The following PARVB variants were observed in gnomAD, a reference collection of about 807,000 sequenced individuals.
PARVB encodes beta-parvin.
In PARVB, 46 loss-of-function variants were observed where a neutral mutation model predicts 47.0. The observed-to-expected ratio is 0.98, with a 90% confidence interval of 0.77 to 1.25. The LOEUF is 1.25. Ranked by LOEUF, PARVB falls within the 50% of genes most tolerant of loss-of-function variation. The pLI is 0.00. For synonymous variants in PARVB, 196 were observed against 196.3 expected, an observed-to-expected ratio of 1.00 and a Z score of 0.01; for missense variants, 473 against 471.6, an observed-to-expected ratio of 1.00 and a Z score of -0.03.
At chr22:44,099,176 G>A (rs1367718450) in intron 2 of PARVB, among the ~76,000 whole-genome samples, 1 of 152,202 alleles carries the variant, frequency 6.6e-6, no homozygotes, top group Non-Finnish European at 1.5e-5. Context: ...CTCCCGGTGA[G>A]TGGAGCCTGG....
chr22:44,085,607 C>G (rs1443694644), intron 1 of PARVB, among the ~76,000 whole-genome samples: 1 of 152,196 alleles, frequency 6.6e-6, no homozygotes, highest in Admixed American at 6.5e-5. Context: ...GCTGGCCCAA[C>G]CTGCTTTTGC....
chr22:44,124,007 T>C (rs1264271429), intron 4 of PARVB, among the ~76,000 whole-genome samples: 1 of 152,234 alleles, frequency 6.6e-6, no homozygotes, highest in Non-Finnish European at 1.5e-5. Flanking sequence ...CTAAGGAGTA[T>C]CTGGCTCGCT....
intron 2 of PARVB, chr22:43,999,720 GCAGTGGCTCATGCCTGTAACC>G: frequency 7.2e-7 from 1 of 1,382,922 alleles, no homozygotes; most frequent in Non-Finnish European, 1.0e-6. Context: ...AGGGCTGGGT[GCAGTGGCTCATGCCTGTAACC>G]CTAGCACTTT....
At chr22:44,164,121 G>C (rs2054113307) in intron 12 of PARVB, among the ~76,000 whole-genome samples, 191 bp downstream of exon 12, 1 of 152,244 alleles carries the variant, frequency 6.6e-6, no homozygotes, top group African/African-American at 2.4e-5. Flanking sequence ...CTTCGCTGGT[G>C]GAGCTGGCAG....
intron 9 of PARVB, chr22:44,148,776 G>A (rs2053741316): frequency 6.6e-6 from 1 of 152,128 alleles, no homozygotes; most frequent in South Asian, 2.1e-4. Flanking sequence ...TCAATTTTGG[G>A]GTAAGACGCA....
chr22:44,094,470 C>T (rs763726150), intron 2 of PARVB, among the ~76,000 whole-genome samples: 1 of 152,120 alleles, frequency 6.6e-6, no homozygotes, highest in Non-Finnish European at 1.5e-5. Flanking sequence ...AGGAGCAGGG[C>T]TAATGCCTTT....
At chr22:44,088,101 C>G (rs1003153369) in intron 1 of PARVB, among the ~76,000 whole-genome samples, 1 of 152,186 alleles carries the variant, frequency 6.6e-6, no homozygotes, top group Non-Finnish European at 1.5e-5. Flanking sequence ...CAAGGTCACA[C>G]ACCTTGTCAG....
In PARVB at chr22:44,089,741, A is replaced by G. The variant is rs533582988; in HGVS notation, c.113-4187A>G. Reference sequence around the variant, plus strand: ...GTTCTTCTGCAAAGGAGCTGTGTCCATAAGGGAACCCAGGCTGCAAAATAT... The same window carrying G: ...GTTCTTCTGCAAAGGAGCTGTGTCCGTAAGGGAACCCAGGCTGCAAAATAT... On this transcript the variant is annotated intron_variant, in intron 1 of 12. Transcript: ENST00000338758. This position sits in a 1 kb window ranked among gnomAD's most constrained non-coding sequence, Gnocchi z 4.0. Among the ~76,000 whole-genome samples, 18 of 152,308 alleles carry G rather than the reference A, an allele frequency of 1.2e-4. No individual in the cohort carries two copies. In the South Asian group the frequency reaches 3.5e-3, roughly 30 times the overall value.
At position 44,133,020 on chromosome 22, in the gene PARVB, C is replaced by A. The variant is rs1028997733; in HGVS notation, c.633+11C>A. The A allele has an allele frequency of 6.3e-7, 1 of 1,594,272 alleles. No homozygotes were observed. The highest frequency in any genetic ancestry group is 8.6e-7 in the Non-Finnish European group (1 of 1,166,466). ...GTGGTGGTCGTGCGGGTGAGTATAA[C>A]CGAGTGGTCGGCCTGCCTGTAACTC... On this transcript the variant is annotated intron_variant, in intron 6 of 12. Transcript: ENST00000338758.
At chr22:44,087,215 G>T (rs1250552283) in intron 1 of PARVB, among the ~76,000 whole-genome samples, 1 of 152,208 alleles carries the variant, frequency 6.6e-6, no homozygotes, top group African/African-American at 2.4e-5. Context: ...TTCAGACGGG[G>T]CCCTCTGAAA....
At chr22:44,126,040 G>T (rs1235450529) in intron 4 of PARVB, among the ~76,000 whole-genome samples, 1 of 152,154 alleles carries the variant, frequency 6.6e-6, no homozygotes, top group Non-Finnish European at 1.5e-5. Context: ...GAAGGCGGGG[G>T]TCTGTGTTGT....
intron 1 of PARVB, among the ~76,000 whole-genome samples, chr22:44,056,614 T>A (rs1388675321): frequency 1.3e-5 from 2 of 152,016 alleles, no homozygotes; most frequent in African/African-American, 4.8e-5. Flanking sequence ...TAAGCAATCC[T>A]CCCACCTCAG....
Position 44,147,862 on chromosome 22 carries a change from G to A in PARVB, c.714G>A (p.Glu238=), listed in dbSNP as rs772663419. Residue 238 remains glutamate, a splice_region_variant and synonymous_variant, in exon 9 of 13, where the codon GAG becomes GAA. Coordinates refer to ENST00000338758, the MANE Select transcript of PARVB (RefSeq NM_013327.5). Reference sequence around the variant, plus strand: ...GTGTCTCTCTTTGCATGTCCTCAGAGCGGGATGCCTTCGACACGCTGTTCG... The same window carrying A: ...GTGTCTCTCTTTGCATGTCCTCAGAACGGGATGCCTTCGACACGCTGTTCG... ...TTTEMMMGRF[E]RDAFDTLFDH... The A allele has an allele frequency of 3.1e-6, 5 of 1,613,922 alleles. No homozygotes were observed. The highest frequency in any genetic ancestry group is 3.4e-6 in the Non-Finnish European group (4 of 1,179,908).
At chr22:44,037,891 C>T (rs1228152824) in intron 1 of PARVB, among the ~76,000 whole-genome samples, 1 of 152,186 alleles carries the variant, frequency 6.6e-6, no homozygotes, top group Non-Finnish European at 1.5e-5. Flanking sequence ...TGGCTTCATG[C>T]TACTCCAGGA....
rs113196083 is a variant in PARVB, at chr22:44,120,273, C to T, written c.376+1133C>T. Among the ~76,000 whole-genome samples, 750 of 152,366 alleles carry T rather than the reference C, an allele frequency of 4.9e-3. 11 individuals carry two copies. In the East Asian group the frequency reaches 0.052, roughly 11 times the overall value. On this transcript the variant is annotated intron_variant, in intron 4 of 12. Coordinates refer to ENST00000338758, the MANE Select transcript of PARVB (RefSeq NM_013327.5). ...GAGCAGATGTCCCTGGTTGTCCCCA[C>T]GATGCCTTTTGTTTGGATCCAGGAG... is the stretch of plus-strand genomic sequence containing the variant.
In PARVB at chr22:44,147,842, T is replaced by G. The variant is rs1220205812; in HGVS notation, c.713-19T>G. On this transcript the variant is annotated intron_variant, in intron 8 of 12. Coordinates refer to ENST00000338758, the MANE Select transcript of PARVB (RefSeq NM_013327.5). ...GTTTCCATAAACGCTCCTTCGTGTC[T>G]CTCTTTGCATGTCCTCAGAGCGGGA... is the stretch of plus-strand genomic sequence containing the variant. 3 of 1,612,382 alleles carry G rather than the reference T, an allele frequency of 1.9e-6. No homozygotes were observed. In the African/African-American group the frequency reaches 4.0e-5, roughly 22 times the overall value.
At chr22:44,055,944 A>C (rs1349200080) in intron 1 of PARVB, among the ~76,000 whole-genome samples, 1 of 152,078 alleles carries the variant, frequency 6.6e-6, no homozygotes, top group African/African-American at 2.4e-5. Context: ...TGCTAACCTC[A>C]TCTAGAAACA....
intron 1 of PARVB, among the ~76,000 whole-genome samples, chr22:44,044,196 T>C (rs1052093367): frequency 2.0e-5 from 3 of 150,998 alleles, no homozygotes; most frequent in Non-Finnish European, 3.0e-5. Context: ...TTGTGGTTTT[T>C]TTTTTTTTTT....
chr22:44,022,483 T>G (rs2050661288), upstream of PARVB, among the ~76,000 whole-genome samples: 1 of 151,978 alleles, frequency 6.6e-6, no homozygotes, highest in Non-Finnish European at 1.5e-5. Context: ...GACCACAAAC[T>G]CCTGGAGGAC....
Sources: allele counts gnomAD v4.1 joint callset (sites outside exome capture counted in the v4.1 genomes callset), GRCh38; gene constraint gnomAD v4.1.1; non-coding constraint Gnocchi (gnomAD v3.1); transcripts MANE v1.5; gene names NCBI Gene and HGNC (gene_info 2026-07-23, HGNC 2026-07-21).